The following KIF14 variants were observed in gnomAD, a reference collection of about 807,000 sequenced individuals.
KIF14 encodes kinesin-like protein KIF14.
KIF14 carries 98 observed loss-of-function variants against 176.2 expected under a neutral mutation model. The observed-to-expected ratio is 0.56, with a 90% CI of 0.47 to 0.66. The LOEUF is 0.66. Ranked by LOEUF, KIF14 falls within the 30% of genes least tolerant of loss-of-function variation. The pLI is 0.00. For missense variants in KIF14, 1,751 were observed against 1,920.4 expected (o/e 0.91, Z 1.65); for synonymous variants, 566 against 632.2 (o/e 0.90, Z 1.57).
At chr1:200,604,717 A>G (rs1290888433) in intron 8 of KIF14, among the ~76,000 whole-genome samples, 1 of 152,122 alleles carries the variant, frequency 6.6e-6, no homozygotes, top group African/African-American at 2.4e-5. Context: ...AAATTGTTAC[A>G]GATTTTAACA....
At position 200,578,014 on chromosome 1, in the gene KIF14, T is replaced by C. The variant is rs139247231; in HGVS notation, c.3465+2240A>G. Among the ~76,000 whole-genome samples, 767 of 152,126 alleles carry C rather than the reference T, an allele frequency of 5.0e-3. 11 individuals are homozygous for C. Among genetic ancestry groups the C allele is most frequent in the African/African-American group, 0.018 (746 of 41,564 alleles). ...ACGTTTCAAATTATTGCATGGTTAT[T>C]CACCTATGAAGTCAACTTTCATAAT... On this transcript the variant is annotated intron_variant, in intron 21 of 29. Transcript: ENST00000367350.
chr1:200,571,173 G>T (rs928931322), intron 22 of KIF14, among the ~76,000 whole-genome samples: 5 of 151,988 alleles, frequency 3.3e-5, no homozygotes, highest in African/African-American at 1.2e-4. Flanking sequence ...TTTCTAGCCG[G>T]GCGTGGTGGC....
chr1:200,603,791 G>T (rs867421656), intron 9 of KIF14, 48 bp downstream of exon 9: 2 of 1,137,490 alleles, frequency 1.8e-6, no homozygotes, highest in East Asian at 2.3e-5. Flanking sequence ...TTAAAATAAT[G>T]ACCTCAGGAA....
chr1:200,572,430 T>C (rs978690687), intron 22 of KIF14, among the ~76,000 whole-genome samples: 8 of 152,252 alleles, frequency 5.3e-5, no homozygotes, highest in East Asian at 3.9e-4. Flanking sequence ...CTGCAAGCTC[T>C]GCCTCCTGGG....
At chr1:200,616,214 T>A (rs368440378) in intron 2 of KIF14, among the ~76,000 whole-genome samples, 74 of 152,182 alleles carry the variant, frequency 4.9e-4, no homozygotes, top group African/African-American at 1.7e-3. Flanking sequence ...TGGCTCCAGA[T>A]ATACACTCCC....
chr1:200,590,549 A>G (rs1470553670), intron 16 of KIF14, among the ~76,000 whole-genome samples: 7 of 152,218 alleles, frequency 4.6e-5, no homozygotes, highest in African/African-American at 1.7e-4. Context: ...TAGTAACTAC[A>G]TTATACAGAA....
Position 200,618,115 on chromosome 1 carries a change from G to T in KIF14, c.609C>A (p.Pro203=), listed in dbSNP as rs765693305. The T allele has an allele frequency of 1.1e-5, 18 of 1,614,048 alleles. No individual in the cohort carries two copies. Among genetic ancestry groups the T allele is most frequent in the Non-Finnish European group, 1.3e-5 (15 of 1,180,014 alleles). The change falls in exon 2 of 30, where the codon CCC becomes CCA. Residue 203 remains proline, a synonymous_variant. Coordinates refer to ENST00000367350, the MANE Select transcript of KIF14 (RefSeq NM_014875.3). ...DKKYKETFSA[P]SRANENVALK... ...GTGCAACATTTTCATTTGCTCTACT[G>T]GGGGCAGAAAATGTTTCTTTGTATT...
chr1:200,619,630 C>T (rs1347974965), intron 1 of KIF14, among the ~76,000 whole-genome samples: 4 of 152,304 alleles, frequency 2.6e-5, no homozygotes, highest in East Asian at 1.9e-4. Context: ...GGATTACAGG[C>T]GTGAGCCACC....
rs764597120 is a variant in KIF14 at position 200,617,794 on chromosome 1, G to A, written c.930C>T (p.Asn310=). The A allele has an allele frequency of 3.1e-6, 5 of 1,614,048 alleles. No homozygotes were observed. The Admixed American group carries it at 6.7e-5, about 22-fold the overall frequency. The change falls in exon 2 of 30, where the codon AAC becomes AAT. Residue 310 remains asparagine, a synonymous_variant. Coordinates refer to ENST00000367350, the MANE Select transcript of KIF14 (RefSeq NM_014875.3). ...APSILKNRMS[N]LQVKQRPKSS... ...TTTTTGGTCTTTGTTTAACTTGAAG[G>A]TTAGACATTCTATTCTTCAGTATTG...
rs1301858194 is a variant in KIF14, at chr1:200,552,475, A to C, written c.*913T>G. 1 of 152,154 alleles carries C rather than the reference A, an allele frequency of 6.6e-6. No individual in the cohort carries two copies. The highest frequency in any genetic ancestry group is 2.4e-5 in the African/African-American group (1 of 41,454). 9.4% of individuals were successfully genotyped at this position (152,154 alleles called of 1,614,324 possible). ...CTCTGATCTCCTAATCTCATCCAAC[A>C]GTTTAGTATAATTCTGGCAACATTT... On this transcript the variant is annotated 3_prime_UTR_variant, in exon 30 of 30. Coordinates refer to ENST00000367350, the MANE Select transcript of KIF14 (RefSeq NM_014875.3).
intron 16 of KIF14, among the ~76,000 whole-genome samples, chr1:200,591,058 A>G (rs545830157): frequency 6.6e-6 from 1 of 152,028 alleles, no homozygotes; most frequent in Non-Finnish European, 1.5e-5. Context: ...CAAAAAAAAA[A>G]CCACAAAACA....
At chr1:200,561,229 T>TAAAA (rs10643609) in intron 25 of KIF14, among the ~76,000 whole-genome samples, 3,583 of 128,004 alleles carry the variant, frequency 0.028, 72 homozygotes, top group Non-Finnish European at 0.038. Context: ...GACTCCATCT[T>TAAAA]AAAAAAAAAA....
chr1:200,592,463 C>A (rs937228109), intron 15 of KIF14, among the ~76,000 whole-genome samples: 1 of 152,114 alleles, frequency 6.6e-6, no homozygotes, highest in Admixed American at 6.5e-5. Flanking sequence ...GCAACCTCGG[C>A]CTCACGGGTT....
chr1:200,565,414 G>T, intron 24 of KIF14, 31 bp downstream of exon 24: 1 of 1,511,492 alleles, frequency 6.6e-7, no homozygotes, highest in Non-Finnish European at 9.0e-7. Flanking sequence ...AATCATTTAT[G>T]TGAGTTAACA....
In KIF14 at chr1:200,601,922, T is replaced by C; in HGVS notation, c.2126A>G (p.Glu709Gly). ...RLIVNIAKVN[E>G]DMNAKLIREL... ...TCTAATTAACTTAGCGTTCATATCT[T>C]CATTTACTTTAGCAATGTTGACTAT... The change falls in exon 11 of 30, where the codon GAA (glutamate) becomes GGA (glycine). Residue 709 changes from glutamate to glycine, a missense_variant. Transcript: ENST00000367350. The C allele has an allele frequency of 6.2e-7, 1 of 1,610,182 alleles. No homozygotes were observed. Among genetic ancestry groups the C allele is most frequent in the East Asian group, 2.2e-5 (1 of 44,802 alleles).
chr1:200,570,049 G>A, intron 22 of KIF14, 44 bp from the exon 23 acceptor site: 2 of 849,778 alleles, frequency 2.4e-6, no homozygotes, highest in East Asian at 2.6e-5. Flanking sequence ...TATACCACAT[G>A]GAATAATATT....
At chr1:200,617,302 T>C (rs1660451353) in intron 2 of KIF14, among the ~76,000 whole-genome samples, 1 of 152,188 alleles carries the variant, frequency 6.6e-6, no homozygotes, top group Non-Finnish European at 1.5e-5. Context: ...GGTATAACAT[T>C]CCAGCATATA....
intron 28 of KIF14, 54 bp downstream of exon 28, chr1:200,555,326 A>C (rs1440473756): frequency 8.9e-7 from 1 of 1,117,398 alleles, no homozygotes; most frequent in Non-Finnish European, 1.3e-6. Context: ...CATTTGAACC[A>C]AGTGAAATGA....
chr1:200,614,554 T>C, intron 3 of KIF14, 149 bp from the exon 4 acceptor site: 1 of 584,426 alleles, frequency 1.7e-6, no homozygotes, highest in Non-Finnish European at 3.0e-6. Context: ...TCTGCCTGAG[T>C]CCAAATCTTG....
Sources: allele counts gnomAD v4.1 joint callset (sites outside exome capture counted in the v4.1 genomes callset), GRCh38; gene constraint gnomAD v4.1.1; transcripts MANE v1.5; gene names NCBI Gene and HGNC (gene_info 2026-07-23, HGNC 2026-07-21).